The following C21orf58 variants were observed in gnomAD, a reference collection of about 807,000 sequenced individuals.
C21orf58 encodes the protein uncharacterized protein C21orf58.
In C21orf58, 34 loss-of-function variants were observed where a neutral mutation model predicts 35.8. The observed-to-expected ratio is 0.95, with a 90% CI of 0.72 to 1.26. The LOEUF (loss-of-function observed/expected upper bound fraction) is 1.26, where lower values mean the gene tolerates loss of function less well. C21orf58 is among the 50% of genes most tolerant of loss of function. C21orf58 has a pLI of 0.00. For synonymous variants in C21orf58, 191 were observed against 175.8 expected (o/e 1.09, Z -0.68); for missense variants, 440 against 414.3 (o/e 1.06, Z -0.54).
rs539624077 is a variant in C21orf58 at position 46,314,717 on chromosome 21, G to A, written c.608C>T (p.Thr203Met). The change falls in exon 5 of 8, where the codon ACG becomes ATG. Residue 203 changes from threonine (T) to methionine (M), a missense_variant and splice_region_variant. Physicochemically the swap from Thr to Met is moderately conservative, Grantham distance 81. Transcript: ENST00000291691. ...APDPPRIILP[T>M]VPQPPATIIQ... ...TGCTCCTCGACTTCGCCCTCTTACCGTAGGCAGGATGATCCTTGGCGGGTC... is the reference window on the plus strand; with the variant it reads ...TGCTCCTCGACTTCGCCCTCTTACCATAGGCAGGATGATCCTTGGCGGGTC... 66 of 1,458,518 alleles carry A rather than the reference G, an allele frequency of 4.5e-5. No individual in the cohort carries two copies. In the East Asian group the frequency reaches 6.3e-4, roughly 14 times the overall value. The allele number at this position is 1,458,518 out of a possible 1,614,324, so 90.3% of individuals were successfully genotyped here.
intron 6 of C21orf58, among the ~76,000 whole-genome samples, chr21:46,308,018 G>A (rs908511305): frequency 1.3e-5 from 2 of 151,860 alleles, no homozygotes; most frequent in Non-Finnish European, 2.9e-5. Flanking sequence ...TTTTGAGACA[G>A]AGTCTCGCTC....
Position 46,302,596 on chromosome 21 carries a change from G to T in C21orf58, c.722-20C>A. The T allele has an allele frequency of 6.3e-7, 1 of 1,592,268 alleles. No individual in the cohort carries two copies. The highest frequency in any genetic ancestry group is 2.3e-5 in the East Asian group (1 of 44,300). On this transcript the variant is annotated intron_variant, in intron 6 of 7. Transcript: ENST00000291691. ...CCATGTCTGCAGGGAAGAAGCAGGGGGACCCTGAATAAAGTTTCCGTTTTT... is the reference window on the plus strand; with the variant it reads ...CCATGTCTGCAGGGAAGAAGCAGGGTGACCCTGAATAAAGTTTCCGTTTTT...
chr21:46,307,717 A>T (rs897322751), intron 6 of C21orf58, among the ~76,000 whole-genome samples: 1 of 152,170 alleles, frequency 6.6e-6, no homozygotes, highest in African/African-American at 2.4e-5. Flanking sequence ...AAGTCAGCAC[A>T]GGGGTTGGGA....
chr21:46,322,211 G>A (rs1031945410), intron 1 of C21orf58, among the ~76,000 whole-genome samples: 2 of 152,014 alleles, frequency 1.3e-5, no homozygotes, highest in African/African-American at 2.4e-5. Context: ...ACCTGAGCCC[G>A]GGGAAGTTGA....
intron 1 of C21orf58, among the ~76,000 whole-genome samples, chr21:46,319,774 G>A (rs1398614343): frequency 6.6e-6 from 1 of 152,042 alleles, no homozygotes; most frequent in East Asian, 1.9e-4. Flanking sequence ...GTAGGCGCCT[G>A]TAATCCCAGC....
At chr21:46,318,551 G>A in intron 1 of C21orf58, 1 of 1,233,908 alleles carries the variant, frequency 8.1e-7, no homozygotes, top group Non-Finnish European at 1.0e-6. Context: ...TCAGGGGAGG[G>A]CGCCCCACCT....
chr21:46,315,901 C>T (rs2082958631), intron 3 of C21orf58, among the ~76,000 whole-genome samples: 1 of 152,174 alleles, frequency 6.6e-6, no homozygotes, highest in Non-Finnish European at 1.5e-5. Flanking sequence ...ACAGGGCTGG[C>T]TGCAGCCTGA....
rs372958608 is a variant in C21orf58, at chr21:46,320,136, G to A, written c.101-1916C>T. 1.4e-3 allele frequency among the ~76,000 whole-genome samples: 212 copies of A among 151,304 alleles called. 2 individuals carry two copies. Among genetic ancestry groups the A allele is most frequent in the Middle Eastern group, 0.01 (3 of 294 alleles). ...TTTTTTTTGAGATGGAGTTTTGCTC[G>A]TTGCCCAGGCTGGAGTGCAGAGGTG... On this transcript the variant is annotated intron_variant, in intron 1 of 7. Coordinates refer to ENST00000291691, the MANE Select transcript of C21orf58 (RefSeq NM_058180.5).
chr21:46,315,147 T>G, intron 4 of C21orf58: 1 of 858,558 alleles, frequency 1.2e-6, no homozygotes, highest in Middle Eastern at 2.5e-4. Context: ...GGCCTACTTT[T>G]TTCTAGGTCT....
At position 46,323,477 on chromosome 21, in the gene C21orf58, CG is replaced by C. The variant is rs2083245590; in HGVS notation, c.-740del. 6.6e-6 allele frequency: 1 copy of C among 152,392 alleles called. No homozygotes were observed. Among genetic ancestry groups the C allele is most frequent in the Non-Finnish European group, 1.5e-5 (1 of 68,160 alleles). The allele number at this position is 152,392 out of a possible 1,614,324, so 9.4% of individuals were successfully genotyped here. On this transcript the variant is annotated 5_prime_UTR_variant, in exon 1 of 8. An upstream open reading frame in the 5' UTR loses its in-frame stop. Transcript: ENST00000291691. ...CGGGAAAGGCGGGAGCTCCAAGCGG[CG>C]GGGCCTGCAGGTCCAGGCGGTTCGC...
chr21:46,301,878 T>A lies in C21orf58; in HGVS notation c.*121A>T, dbSNP rs1366748339. 1.5e-6 allele frequency: 2 copies of A among 1,328,538 alleles called. No individual in the cohort carries two copies. The highest frequency in any genetic ancestry group is 3.1e-5 in the African/African-American group (2 of 65,378). The allele number at this position is 1,328,538 out of a possible 1,614,324, so 82.3% of individuals were successfully genotyped here. A position where few individuals can be genotyped will look rare whatever the true frequency, so the allele number is the denominator to read the frequency against. On this transcript the variant is annotated 3_prime_UTR_variant, in exon 8 of 8. Transcript: ENST00000291691. The stretch of plus-strand genomic sequence containing the variant: ...GAGGAGCCTGCAGTCCACACTCGCG[T>A]AGCCACTCCGGGTGGTGGCAGGGTC...
intron 1 of C21orf58, 157 bp from the exon 2 acceptor site, chr21:46,318,377 C>G: frequency 6.9e-7 from 1 of 1,444,680 alleles, no homozygotes; most frequent in Non-Finnish European, 9.1e-7. Flanking sequence ...CTCAGGCTAC[C>G]GGTAAACACT....
chr21:46,317,323 T>G, intron 2 of C21orf58, 55 bp from the exon 3 acceptor site: 1 of 1,589,708 alleles, frequency 6.3e-7, no homozygotes, highest in African/African-American at 1.3e-5. Context: ...AGGCCCTGTG[T>G]GCTCCAGGAA....
intron 6 of C21orf58, among the ~76,000 whole-genome samples, chr21:46,304,776 C>A (rs1055936106): frequency 1.3e-5 from 2 of 152,132 alleles, no homozygotes; most frequent in Non-Finnish European, 2.9e-5. Context: ...AAGGACTGTG[C>A]AGATGTAAGC....
chr21:46,309,289 C>T (rs2082561194), intron 6 of C21orf58, among the ~76,000 whole-genome samples: 1 of 151,978 alleles, frequency 6.6e-6, no homozygotes, highest in Non-Finnish European at 1.5e-5. Flanking sequence ...GGTGAAACCC[C>T]GTCTCTACTA....
chr21:46,309,307 C>T (rs2082562256), intron 6 of C21orf58, among the ~76,000 whole-genome samples: 1 of 151,686 alleles, frequency 6.6e-6, no homozygotes, highest in Non-Finnish European at 1.5e-5. Flanking sequence ...CTAAAAACCA[C>T]AAAAATTAGC....
chr21:46,302,287 G>A (rs1234449233), intron 7 of C21orf58, 133 bp from the exon 8 acceptor site: 4 of 1,388,762 alleles, frequency 2.9e-6, no homozygotes, highest in African/African-American at 2.9e-5. Context: ...TCCCAGAGGA[G>A]GCTCCTCCCC....
At position 46,302,565 on chromosome 21, in the gene C21orf58, G is replaced by T. The variant is rs2082156530; in HGVS notation, c.733C>A (p.Leu245Met). ...SGSIKEDMVE[L>M]LLLQNAQVHQ... ...ACCTGTGCGTTCTGCAGCAGCAGCAGCTCCACCATGTCTGCAGGGAAGAAG... is the reference window on the plus strand; with the variant it reads ...ACCTGTGCGTTCTGCAGCAGCAGCATCTCCACCATGTCTGCAGGGAAGAAG... The change falls in exon 7 of 8, where the codon CTG (leucine) becomes ATG (methionine). Residue 245 changes from leucine (L) to methionine (M), a missense_variant. Coordinates refer to ENST00000291691, the MANE Select transcript of C21orf58 (RefSeq NM_058180.5). The T allele has an allele frequency of 6.2e-7, 1 of 1,611,336 alleles. No homozygotes were observed. Among genetic ancestry groups the T allele is most frequent in the Non-Finnish European group, 8.5e-7 (1 of 1,178,774 alleles).
At position 46,302,222 on chromosome 21, in the gene C21orf58, T is replaced by A. The variant is rs930078886; in HGVS notation, c.814-68A>T. The A allele has an allele frequency of 2.8e-6, 4 of 1,432,300 alleles. No individual in the cohort carries two copies. The African/African-American group carries it at 5.8e-5, about 21-fold the overall frequency. 88.7% of individuals were successfully genotyped at this position (1,432,300 alleles called of 1,614,324 possible). ...CTCCCCACCTCCACTCCCGCCCTGT[T>A]CCTAACTGGGGCTGGATCCCATGTG... On this transcript the variant is annotated intron_variant, in intron 7 of 7. Transcript: ENST00000291691.
Sources: gnomAD v4.1 joint callset for allele counts (sites outside exome capture counted in the v4.1 genomes callset) on GRCh38, gnomAD v4.1.1 for gene constraint, MANE v1.5 for transcripts, NCBI Gene and HGNC (gene_info 2026-07-23, HGNC 2026-07-21) for gene names.